Variants in HMGCLL1 observed in about 807,000 individuals in gnomAD.
HMGCLL1 encodes the protein 3-hydroxymethyl-3-methylglutaryl-CoA lyase, cytoplasmic.
In HMGCLL1, 36 loss-of-function variants were observed where a neutral mutation model predicts 39.1. The ratio of observed to expected loss-of-function variants is 0.92; its 90% CI spans 0.71 to 1.22. The LOEUF (loss-of-function observed/expected upper bound fraction) is 1.22. Among genes scored for constraint, HMGCLL1 ranks in the 50% most tolerant of loss-of-function variants. The probability of loss-of-function intolerance (pLI) is 0.00; values close to 1 mark genes in which losing one functional copy is unlikely to be tolerated. For synonymous variants in HMGCLL1, 149 were observed against 144.0 expected, an observed-to-expected ratio of 1.03 and a Z score of -0.25; for missense variants, 451 against 416.5, an observed-to-expected ratio of 1.08 and a Z score of -0.72.
the HMGCLL1 span, among the ~76,000 whole-genome samples, chr6:55,670,347 A>G: frequency 6.6e-6 from 1 of 151,894 alleles, no homozygotes; most frequent in African/African-American, 2.4e-5. Flanking sequence ...TTAATAAAGA[A>G]TTGTTAAAAA....
the HMGCLL1 span, among the ~76,000 whole-genome samples, chr6:55,596,485 A>C: frequency 3.1e-4 from 47 of 152,274 alleles, no homozygotes; most frequent in Admixed American, 2.0e-3. Context: ...CTAATGCAAC[A>C]AGCTTAATAA....
chr6:55,593,705 C>T, the HMGCLL1 span, among the ~76,000 whole-genome samples: 1 of 151,678 alleles, frequency 6.6e-6, no homozygotes, highest in Non-Finnish European at 1.5e-5. Flanking sequence ...CTTTCCAGTT[C>T]CTTAGACAGT....
At chr6:55,648,906 A>C in the HMGCLL1 span, among the ~76,000 whole-genome samples, 1 of 145,280 alleles carries the variant, frequency 6.9e-6, no homozygotes, top group Non-Finnish European at 1.5e-5. Flanking sequence ...GGGCAGAGAC[A>C]CAACCAAAAA....
rs564525941 is a variant in HMGCLL1 at position 55,447,494 on chromosome 6, C to T, written c.796-7935G>A. ...TAGTATTCCTAAATGCTTCACTCCT[C>T]CTTGCCTTCAAAAGGAGATAGATTA... On this transcript the variant is annotated intron_variant, in intron 7 of 8. Coordinates refer to ENST00000274901, the MANE Select transcript of HMGCLL1 (RefSeq NM_001042406.2). Among the ~76,000 whole-genome samples the T allele has an allele frequency of 2.0e-5, 3 of 152,094 alleles. No individual in the cohort carries two copies. In the South Asian group the frequency reaches 6.2e-4, roughly 32 times the overall value.
chr6:55,554,339 TA>T (rs1770530623), intron 1 of HMGCLL1, among the ~76,000 whole-genome samples: 1 of 152,050 alleles, frequency 6.6e-6, no homozygotes, highest in African/African-American at 2.4e-5. Flanking sequence ...TTTTGGGGTG[TA>T]AAAAGATCTA....
intron 5 of HMGCLL1, among the ~76,000 whole-genome samples, chr6:55,506,737 G>GGACC (rs1158109396): frequency 6.6e-6 from 1 of 151,450 alleles, no homozygotes; most frequent in African/African-American, 2.4e-5. Context: ...ACTTAATGAT[G>GGACC]GACCCAAAGC....
At position 55,434,720 on chromosome 6, in the gene HMGCLL1, C is replaced by T. The variant is rs944336775; in HGVS notation, c.*942G>A. On this transcript the variant is annotated 3_prime_UTR_variant, in exon 9 of 9. Coordinates refer to ENST00000274901, the MANE Select transcript of HMGCLL1 (RefSeq NM_001042406.2). Reference sequence around the variant, plus strand: ...CTTCTAAAATAACCACTAAAAAATACACCAAAAAATAATGTGGGTAAGCAA... The same window carrying T: ...CTTCTAAAATAACCACTAAAAAATATACCAAAAAATAATGTGGGTAAGCAA... The T allele has an allele frequency of 6.6e-6, 1 of 151,942 alleles. No individual in the cohort carries two copies. The highest frequency in any genetic ancestry group is 2.4e-5 in the African/African-American group (1 of 41,396). 9.4% of individuals were successfully genotyped at this position (151,942 alleles called of 1,614,324 possible). A position where few individuals can be genotyped will look rare whatever the true frequency, so the allele number is the denominator to read the frequency against.
At chr6:55,496,747 A>G (rs1420015866) in intron 6 of HMGCLL1, among the ~76,000 whole-genome samples, 3 of 152,276 alleles carry the variant, frequency 2.0e-5, no homozygotes, top group East Asian at 1.9e-4. Context: ...CTCAATACGC[A>G]TCATAGATTG....
chr6:55,598,540 C>A, the HMGCLL1 span, among the ~76,000 whole-genome samples: 5 of 152,148 alleles, frequency 3.3e-5, no homozygotes, highest in African/African-American at 1.2e-4. Context: ...GAAACCATGC[C>A]CATTTCTGAA....
intron 4 of HMGCLL1, among the ~76,000 whole-genome samples, chr6:55,515,314 C>T (rs1387517608): frequency 1.3e-5 from 2 of 151,494 alleles, no homozygotes; most frequent in African/African-American, 4.8e-5. Context: ...CATCTTTCCT[C>T]AAACATTTAA....
chr6:55,516,175 T>C (rs976780043), intron 4 of HMGCLL1, among the ~76,000 whole-genome samples: 3 of 152,050 alleles, frequency 2.0e-5, no homozygotes, highest in Non-Finnish European at 2.9e-5. Flanking sequence ...TATTAATAAC[T>C]ATAAAAATTG....
the HMGCLL1 span, among the ~76,000 whole-genome samples, chr6:55,612,995 C>T: frequency 1.3e-5 from 2 of 152,002 alleles, no homozygotes; most frequent in Non-Finnish European, 2.9e-5. Context: ...AAAGAAACTA[C>T]CATCCAATTG....
At chr6:55,590,882 A>T in the HMGCLL1 span, among the ~76,000 whole-genome samples, 1 of 151,964 alleles carries the variant, frequency 6.6e-6, no homozygotes, top group African/African-American at 2.4e-5. Context: ...GCCTAAACCT[A>T]TGAAGCACTT....
chr6:55,606,701 T>G, the HMGCLL1 span, among the ~76,000 whole-genome samples: 1 of 152,094 alleles, frequency 6.6e-6, no homozygotes, highest in East Asian at 1.9e-4. Context: ...CCCTCATATA[T>G]ATATTTGTCC....
chr6:55,576,574 T>A (rs752181764), intron 1 of HMGCLL1, among the ~76,000 whole-genome samples: 13 of 152,140 alleles, frequency 8.5e-5, no homozygotes, highest in Non-Finnish European at 1.5e-4. Context: ...AGGCATTGGG[T>A]TGAAGAGGGA....
At chr6:55,442,096 A>G (rs1370360602) in intron 7 of HMGCLL1, among the ~76,000 whole-genome samples, 1 of 152,140 alleles carries the variant, frequency 6.6e-6, no homozygotes, top group African/African-American at 2.4e-5. Flanking sequence ...AGGATATATA[A>G]TATCAATATA....
the HMGCLL1 span, among the ~76,000 whole-genome samples, chr6:55,675,855 TTG>T: frequency 5.3e-5 from 8 of 152,218 alleles, no homozygotes; most frequent in African/African-American, 1.2e-4. Flanking sequence ...TTCTTTGTGT[TTG>T]TGTGTGTGTG....
intron 7 of HMGCLL1, among the ~76,000 whole-genome samples, chr6:55,462,693 C>T (rs755131244): frequency 2.6e-5 from 4 of 152,034 alleles, no homozygotes; most frequent in Non-Finnish European, 4.4e-5. Context: ...GGTAAGCTGC[C>T]ATAGAAAGGT....
chr6:55,635,106 C>T, the HMGCLL1 span, among the ~76,000 whole-genome samples: 106 of 151,940 alleles, frequency 7.0e-4, no homozygotes, highest in African/African-American at 2.4e-3. Context: ...TGACCTGATT[C>T]GTATAGATGT....
Sources: allele counts gnomAD v4.1 joint callset (sites outside exome capture counted in the v4.1 genomes callset), GRCh38; gene constraint gnomAD v4.1.1; transcripts MANE v1.5; gene names NCBI Gene and HGNC (gene_info 2026-07-23, HGNC 2026-07-21).